Variants in PLEKHA8 observed in about 807,000 individuals in gnomAD.
PLEKHA8 encodes pleckstrin homology domain-containing family A member 8.
PLEKHA8 carries 36 observed loss-of-function variants against 68.2 expected under a neutral mutation model. That is an observed-to-expected ratio of 0.53 (90% confidence interval 0.40 to 0.70). The LOEUF is 0.70. PLEKHA8 is among the 30% of genes least tolerant of loss of function. The probability of loss-of-function intolerance (pLI) is 0.00; values close to 1 mark genes in which losing one functional copy is unlikely to be tolerated. For synonymous variants in PLEKHA8, 211 were observed against 216.1 expected (o/e 0.98, Z 0.20); for missense variants, 505 against 615.4 (o/e 0.82, Z 1.90).
intron 12 of PLEKHA8, among the ~76,000 whole-genome samples, chr7:30,068,527 G>A (rs1471098497): frequency 6.6e-6 from 1 of 152,064 alleles, no homozygotes; most frequent in African/African-American, 2.4e-5. Flanking sequence ...TCTGTGAGTT[G>A]CCTGTTCATG....
chr7:30,049,676 C>T (rs995490530), intron 5 of PLEKHA8, among the ~76,000 whole-genome samples: 2 of 152,126 alleles, frequency 1.3e-5, no homozygotes, highest in Non-Finnish European at 2.9e-5. Context: ...TCAGCCTGAC[C>T]CTTCCAGTCA....
rs1205327049 is a variant in PLEKHA8 at position 30,028,687 on chromosome 7, T to TGCTGGTGCACCAATAGCCAATGGGAG, written c.-68_-67insACCAATAGCCAATGGGAGGCTGGTGC. ...GGGCAGCGCCAGGCGATGGCCCTGCTGCTGGTGCTCCTCGCCTCTTGGGGC... is the reference window on the plus strand; with the variant it reads ...GGGCAGCGCCAGGCGATGGCCCTGCTGCTGGTGCACCAATAGCCAATGGGAGGCTGGTGCTCCTCGCCTCTTGGGGC... On this transcript the variant is annotated 5_prime_UTR_variant, in exon 1 of 14. The change creates a new upstream start codon in the 5' untranslated region. Transcript: ENST00000449726. 1 of 1,128,078 alleles carries TGCTGGTGCACCAATAGCCAATGGGAG rather than the reference T, an allele frequency of 8.9e-7. No individual in the cohort carries two copies. Among genetic ancestry groups the TGCTGGTGCACCAATAGCCAATGGGAG allele is most frequent in the African/African-American group, 1.6e-5 (1 of 62,238 alleles). The allele number at this position is 1,128,078 out of a possible 1,614,324, so 69.9% of individuals were successfully genotyped here. A position where few individuals can be genotyped will look rare whatever the true frequency, so the allele number is the denominator to read the frequency against.
intron 4 of PLEKHA8, 141 bp from the exon 5 acceptor site, chr7:30,049,083 T>G: frequency 9.9e-7 from 1 of 1,009,748 alleles, no homozygotes. Flanking sequence ...TAAATTGGGC[T>G]TTTCTTTTAT....
Position 30,061,902 on chromosome 7 carries a change from A to G in PLEKHA8, c.1104A>G (p.Val368=), listed in dbSNP as rs554976907. 3 of 1,613,940 alleles carry G rather than the reference A, an allele frequency of 1.9e-6. No individual in the cohort carries two copies. In the South Asian group the frequency reaches 3.3e-5, roughly 18 times the overall value. The change falls in exon 11 of 14, where the codon GTA becomes GTG. Residue 368 remains valine (V), a synonymous_variant. Coordinates refer to ENST00000449726, the MANE Select transcript of PLEKHA8 (RefSeq NM_001197026.2). The part of the protein sequence containing the change: ...KMDLVGNIKK[V]NQKYITNKEE... ...TTTCCCTGCTTTCCCTCCAGAAAGT[A>G]AATCAGAAGTATATAACCAACAAAG...
intron 1 of PLEKHA8, among the ~76,000 whole-genome samples, chr7:30,032,666 G>T (rs1790754349): frequency 6.6e-6 from 1 of 152,178 alleles, no homozygotes; most frequent in Non-Finnish European, 1.5e-5. Flanking sequence ...TTTAAAGTAT[G>T]TTTGACCTAG....
intron 9 of PLEKHA8, among the ~76,000 whole-genome samples, chr7:30,058,475 T>A (rs865788503): frequency 0.038 from 5,691 of 150,656 alleles, 136 homozygotes; most frequent in Middle Eastern, 0.076. Context: ...GAGGTTCTTT[T>A]TTTTTTTTTT....
At chr7:30,055,213 C>G (rs1386059339) in intron 8 of PLEKHA8, 44 bp from the exon 9 acceptor site, 2 of 1,536,438 alleles carry the variant, frequency 1.3e-6, no homozygotes, top group Non-Finnish European at 9.0e-7. Flanking sequence ...AGTGCTGATA[C>G]TGTATTTTCA....
At chr7:30,112,714 GAAA>G (rs59606022) in intron 13 of PLEKHA8, among the ~76,000 whole-genome samples, 1 of 138,016 alleles carries the variant, frequency 7.2e-6, no homozygotes, top group African/African-American at 2.7e-5. Context: ...GACCCAGTCT[GAAA>G]AAAAAAAAAG....
chr7:30,062,535 G>C, intron 11 of PLEKHA8, 137 bp from the exon 12 acceptor site: 1 of 679,994 alleles, frequency 1.5e-6, no homozygotes, highest in Non-Finnish European at 2.6e-6. Context: ...GTTCAGGAAG[G>C]ACTGCCATAT....
chr7:30,071,929 G>A (rs750536420), intron 12 of PLEKHA8: 1 of 152,132 alleles, frequency 6.6e-6, no homozygotes, highest in Non-Finnish European at 1.5e-5. Flanking sequence ...AGTATTCTCT[G>A]CCCATCTGTA....
At chr7:30,054,969 G>C in intron 8 of PLEKHA8, 104 bp downstream of exon 8, 1 of 1,170,974 alleles carries the variant, frequency 8.5e-7, no homozygotes, top group East Asian at 2.4e-5. Context: ...TAGGAGAATA[G>C]AGAATGTGGT....
intron 10 of PLEKHA8, among the ~76,000 whole-genome samples, chr7:30,061,350 T>C (rs1325053815): frequency 2.0e-5 from 3 of 152,210 alleles, no homozygotes; most frequent in Non-Finnish European, 4.4e-5. Context: ...TTTCCAGTGG[T>C]AGTTGTGGGA....
intron 13 of PLEKHA8, among the ~76,000 whole-genome samples, chr7:30,099,854 A>C (rs1360689865): frequency 6.6e-6 from 1 of 152,214 alleles, no homozygotes; most frequent in Admixed American, 6.5e-5. Context: ...CTAGTTATTC[A>C]TTTCCTAAGG....
At chr7:30,035,722 G>A (rs1377338108) in intron 1 of PLEKHA8, among the ~76,000 whole-genome samples, 1 of 152,012 alleles carries the variant, frequency 6.6e-6, no homozygotes, top group Non-Finnish European at 1.5e-5. Flanking sequence ...TCGGCTCACT[G>A]CAACCTTCGC....
intron 12 of PLEKHA8, among the ~76,000 whole-genome samples, chr7:30,064,849 G>A (rs144574411): frequency 6.5e-4 from 99 of 152,244 alleles, no homozygotes; most frequent in Non-Finnish European, 1.2e-3. Flanking sequence ...AGTGGACTCC[G>A]CTTGTCTCAT....
chr7:30,116,262 G>GTATGTATT (rs1796552964), intron 13 of PLEKHA8, among the ~76,000 whole-genome samples: 1 of 149,910 alleles, frequency 6.7e-6, no homozygotes, highest in African/African-American at 2.5e-5. Context: ...ACGTATACAT[G>GTATGTATT]CATACATGTA....
At chr7:30,117,010 T>C (rs932253565) in intron 13 of PLEKHA8, among the ~76,000 whole-genome samples, 2 of 152,216 alleles carry the variant, frequency 1.3e-5, no homozygotes, top group African/African-American at 4.8e-5. Context: ...GTCTTGCAAA[T>C]GTAGGTCTAA....
intron 6 of PLEKHA8, 42 bp from the exon 7 acceptor site, chr7:30,052,667 A>G (rs765694485): frequency 2.0e-6 from 3 of 1,494,296 alleles, no homozygotes; most frequent in South Asian, 2.8e-5. Context: ...AAAAGACCAA[A>G]TAACGACCTT....
chr7:30,123,024 T>C (rs531026528), intron 13 of PLEKHA8, among the ~76,000 whole-genome samples: 13 of 151,324 alleles, frequency 8.6e-5, no homozygotes, highest in South Asian at 2.1e-4. Context: ...CTCCTGACTT[T>C]CCCCCCCCTA....
Sources: gnomAD v4.1 joint callset for allele counts (sites outside exome capture counted in the v4.1 genomes callset) on GRCh38, gnomAD v4.1.1 for gene constraint, MANE v1.5 for transcripts, NCBI Gene and HGNC (gene_info 2026-07-23, HGNC 2026-07-21) for gene names.